Variants in NALCN observed in about 807,000 individuals in gnomAD.
NALCN encodes the protein sodium leak channel, non-selective.
Under a neutral mutation model 225.3 loss-of-function variants are expected in NALCN, and 111 were observed. The observed-to-expected ratio is 0.49, with a 90% confidence interval of 0.42 to 0.58. The LOEUF is 0.58. Among genes scored for constraint, NALCN ranks in the 20% least tolerant of loss-of-function variants. The pLI, the probability that NALCN is intolerant of heterozygous loss-of-function variation, is 0.00. For synonymous variants in NALCN, 764 were observed against 769.0 expected (o/e 0.99, Z 0.11); for missense variants, 1,378 against 2,202.4 (o/e 0.63, Z 7.49).
chr13:101,085,847 T>A (rs1184196902), intron 30 of NALCN, among the ~76,000 whole-genome samples: 2 of 152,192 alleles, frequency 1.3e-5, no homozygotes, highest in African/African-American at 4.8e-5. Flanking sequence ...GAGGTAGAGA[T>A]CTCAGCATAG....
chr13:101,057,887 T>TA, intron 43 of NALCN, 52 bp downstream of exon 43: 1 of 1,409,080 alleles, frequency 7.1e-7, no homozygotes, highest in Non-Finnish European at 1.0e-6. Flanking sequence ...ACAAACAGAG[T>TA]AAATACCTTT....
Position 101,415,208 on chromosome 13 carries a change from C to CATATATATATATATATATATATAT in NALCN, c.-40+1104_-40+1105insATATATATATATATATATATATAT, listed in dbSNP as rs1030463057. ...TAGTTATGAACATACAAATCACACACATATATATATATATATACATACATA... is the reference window on the plus strand; with the variant it reads ...TAGTTATGAACATACAAATCACACACATATATATATATATATATATATATATATATATATATATATACATACATA... On this transcript the variant is annotated intron_variant, in intron 1 of 43. Transcript: ENST00000251127. Among the ~76,000 whole-genome samples the CATATATATATATATATATATATAT allele has an allele frequency of 2.1e-3, 223 of 107,744 alleles. 1 individual carries two copies. The highest frequency in any genetic ancestry group is 4.8e-3 in the Middle Eastern group (1 of 208). 70.7% of individuals were successfully genotyped at this position (107,744 alleles called of 152,430 possible). A position where few individuals can be genotyped will look rare whatever the true frequency, so the allele number is the denominator to read the frequency against.
Position 101,073,575 on chromosome 13 carries a change from G to A in NALCN, c.4197+9C>T, listed in dbSNP as rs750332886. 6.2e-7 allele frequency: 1 copy of A among 1,605,048 alleles called. No individual in the cohort carries two copies. Among genetic ancestry groups the A allele is most frequent in the South Asian group, 1.1e-5 (1 of 90,120 alleles). ...AGTCTAAGCCTTGTTCATGATGAGA[G>A]ATATTTACCATACAGTCATGCATAA... On this transcript the variant is annotated intron_variant, in intron 37 of 43. Transcript: ENST00000251127.
At chr13:101,311,449 G>C (rs927400066) in intron 7 of NALCN, among the ~76,000 whole-genome samples, 1 of 125,538 alleles carries the variant, frequency 8.0e-6, no homozygotes, top group Non-Finnish European at 1.9e-5. Flanking sequence ...AGTTTTCAAA[G>C]GGAATGCTTC....
intron 18 of NALCN, among the ~76,000 whole-genome samples, chr13:101,114,777 G>A (rs1042936764): frequency 2.0e-5 from 3 of 152,298 alleles, no homozygotes; most frequent in African/African-American, 4.8e-5. Context: ...AATAGATCAC[G>A]AATGCGGTTA....
chr13:101,341,015 T>C (rs2045542461), intron 7 of NALCN, among the ~76,000 whole-genome samples: 1 of 152,208 alleles, frequency 6.6e-6, no homozygotes, highest in South Asian at 2.1e-4. Flanking sequence ...ACATTTCATA[T>C]ATTGTATAAA....
rs553235173 is a variant in NALCN, at chr13:101,296,176, CTTGT to C, written c.800-3814_800-3811del. 5.3e-3 allele frequency among the ~76,000 whole-genome samples: 808 copies of C among 152,294 alleles called. 4 individuals are homozygous for C. The highest frequency in any genetic ancestry group is 8.5e-3 in the Non-Finnish European group (580 of 68,030). On this transcript the variant is annotated intron_variant, in intron 7 of 43. Coordinates refer to ENST00000251127, the MANE Select transcript of NALCN (RefSeq NM_052867.4). Reference sequence around the variant, plus strand: ...TCACTCGTCATACTGAATTCTCTACCTTGTTTGTTTCCCTCAGTAGGTGTGAGCA... The same window carrying C: ...TCACTCGTCATACTGAATTCTCTACCTTGTTTCCCTCAGTAGGTGTGAGCA...
chr13:101,082,685 C>A, intron 33 of NALCN, 124 bp downstream of exon 33: 1 of 976,854 alleles, frequency 1.0e-6, no homozygotes, highest in Admixed American at 1.9e-5. Flanking sequence ...TAGGAAATAT[C>A]CTAAGGGCAA....
Position 101,336,865 on chromosome 13 carries a change from T to C in NALCN, c.799+8401A>G, listed in dbSNP as rs376988138. 1.9e-4 allele frequency among the ~76,000 whole-genome samples: 29 copies of C among 152,322 alleles called. No homozygotes were observed. The East Asian group carries it at 4.4e-3, about 23-fold the overall frequency. On this transcript the variant is annotated intron_variant, in intron 7 of 43. Coordinates refer to ENST00000251127, the MANE Select transcript of NALCN (RefSeq NM_052867.4). The stretch of plus-strand genomic sequence containing the variant: ...AATGCATGTAGCTATACATTACATA[T>C]AGCAAACACATGCCTTATCACGGCA...
chr13:101,415,628 A>G (rs1233227245), intron 1 of NALCN, among the ~76,000 whole-genome samples: 1 of 152,350 alleles, frequency 6.6e-6, no homozygotes, highest in East Asian at 1.9e-4. Context: ...ATTCAGTGAC[A>G]AAATGGTGTT....
chr13:101,173,215 T>C (rs2038817252), intron 15 of NALCN, among the ~76,000 whole-genome samples: 1 of 152,230 alleles, frequency 6.6e-6, no homozygotes, highest in East Asian at 1.9e-4. Flanking sequence ...TCAGAAACTG[T>C]CCTTCATTCT....
At chr13:101,075,141 A>T (rs914704820) in intron 35 of NALCN, among the ~76,000 whole-genome samples, 4 of 152,208 alleles carry the variant, frequency 2.6e-5, no homozygotes, top group Admixed American at 6.5e-5. Context: ...GTATATATGG[A>T]ATGTATATAT....
At chr13:101,162,564 C>G (rs1280958671) in intron 15 of NALCN, among the ~76,000 whole-genome samples, 1 of 152,222 alleles carries the variant, frequency 6.6e-6, no homozygotes, top group Admixed American at 6.5e-5. Flanking sequence ...CTTAACACAA[C>G]TATAAGAGTG....
chr13:101,232,877 T>C (rs1484849500), intron 12 of NALCN, among the ~76,000 whole-genome samples: 1 of 152,190 alleles, frequency 6.6e-6, no homozygotes, highest in Non-Finnish European at 1.5e-5. Flanking sequence ...ATTTCCAGAA[T>C]AATAATCTGG....
intron 13 of NALCN, among the ~76,000 whole-genome samples, chr13:101,196,777 C>T (rs114723877): frequency 9.2e-5 from 14 of 152,222 alleles, no homozygotes; most frequent in African/African-American, 3.1e-4. Context: ...TCCCCAAATT[C>T]ACTGGCCTCT....
chr13:101,316,296 C>G (rs565796770), intron 7 of NALCN, among the ~76,000 whole-genome samples: 1 of 152,110 alleles, frequency 6.6e-6, no homozygotes, highest in Non-Finnish European at 1.5e-5. Flanking sequence ...CCTCTCAGTT[C>G]GATCAGCCCT....
chr13:101,215,820 C>T (rs1290287339), intron 13 of NALCN, among the ~76,000 whole-genome samples: 1 of 152,116 alleles, frequency 6.6e-6, no homozygotes, highest in African/African-American at 2.4e-5. Context: ...TCATCATTTA[C>T]ATTAGGTATA....
At chr13:101,088,497 G>A (rs974772528) in intron 30 of NALCN, among the ~76,000 whole-genome samples, 1 of 152,098 alleles carries the variant, frequency 6.6e-6, no homozygotes, top group Non-Finnish European at 1.5e-5. Flanking sequence ...GCGGTAATAG[G>A]CACCAATTCT....
intron 14 of NALCN, among the ~76,000 whole-genome samples, chr13:101,187,631 TC>T (rs1431073110): frequency 1.3e-5 from 2 of 152,164 alleles, no homozygotes; most frequent in African/African-American, 4.8e-5. Flanking sequence ...TAAGAGGTGC[TC>T]CCTTATTAAT....
Sources: gnomAD v4.1 joint callset for allele counts (sites outside exome capture counted in the v4.1 genomes callset) on GRCh38, gnomAD v4.1.1 for gene constraint, MANE v1.5 for transcripts, NCBI Gene and HGNC (gene_info 2026-07-23, HGNC 2026-07-21) for gene names.